Variants in RERE observed in about 807,000 individuals in gnomAD.
RERE encodes arginine-glutamic acid dipeptide repeats.
In RERE, 40 loss-of-function variants were observed where a neutral mutation model predicts 146.1. The ratio of observed to expected loss-of-function variants is 0.27; its 90% CI spans 0.21 to 0.36. The LOEUF is 0.36. RERE is among the 10% of genes least tolerant of loss of function. The pLI, the probability that RERE is intolerant of heterozygous loss-of-function variation, is 1.00. For synonymous variants in RERE, 1,003 were observed against 866.0 expected (o/e 1.16, Z -2.78); for missense variants, 1,933 against 2,138.7 (o/e 0.90, Z 1.90).
At chr1:8,358,106 C>A in intron 20 of RERE, 90 bp downstream of exon 20, 1 of 1,510,862 alleles carries the variant, frequency 6.6e-7, no homozygotes, top group South Asian at 1.3e-5. Flanking sequence ...CAGAAAAGAA[C>A]AGTTTCCGCT....
intron 12 of RERE, among the ~76,000 whole-genome samples, chr1:8,398,300 T>C (rs1321552958): frequency 1.3e-5 from 2 of 152,144 alleles, no homozygotes; most frequent in South Asian, 2.1e-4. Context: ...TGGACCACAG[T>C]ATAAAAGGTC....
At chr1:8,558,789 T>A (rs1301413236) in intron 4 of RERE, among the ~76,000 whole-genome samples, 1 of 150,798 alleles carries the variant, frequency 6.6e-6, no homozygotes, top group Admixed American at 6.6e-5. Context: ...TTTCTTTTTT[T>A]TTTCCTTTTC....
intron 1 of RERE, among the ~76,000 whole-genome samples, chr1:8,757,138 A>G (rs904904995): frequency 3.3e-5 from 5 of 151,482 alleles, no homozygotes; most frequent in Non-Finnish European, 7.4e-5. Context: ...TTCTGATGGC[A>G]CTCATAAAGA....
chr1:8,424,257 C>T (rs540443799), intron 11 of RERE: 1 of 152,378 alleles, frequency 6.6e-6, no homozygotes, highest in East Asian at 1.9e-4. Flanking sequence ...CCCCGGCCGC[C>T]GCTTCACAAC....
At chr1:8,402,987 C>T (rs1262014867) in intron 12 of RERE, among the ~76,000 whole-genome samples, 2 of 152,136 alleles carry the variant, frequency 1.3e-5, no homozygotes, top group Non-Finnish European at 2.9e-5. Flanking sequence ...CAACCTCTGC[C>T]TCCCGGGTTC....
chr1:8,617,190 A>G (rs1424169140), intron 3 of RERE, among the ~76,000 whole-genome samples: 2 of 151,934 alleles, frequency 1.3e-5, no homozygotes, highest in Non-Finnish European at 2.9e-5. Flanking sequence ...TAAGAATACA[A>G]AAACATAGCC....
In RERE at chr1:8,356,953, T is replaced by C. The variant is rs1641320105; in HGVS notation, c.4340-707A>G. ...GCCTCTGTGGCTGCTCTTGCCCCGA[T>C]TTCCCACAGCTTGCCCTTTCATCTC... On this transcript the variant is annotated intron_variant, in intron 20 of 22. Coordinates refer to ENST00000400908, the MANE Select transcript of RERE (RefSeq NM_001042681.2). This position sits in a 1 kb window ranked among gnomAD's most constrained non-coding sequence, Gnocchi z 5.2. 1.3e-5 allele frequency among the ~76,000 whole-genome samples: 2 copies of C among 152,148 alleles called. No homozygotes were observed. Among genetic ancestry groups the C allele is most frequent in the Admixed American group, 1.3e-4 (2 of 15,278 alleles).
At chr1:8,390,766 G>A (rs913201133) in intron 12 of RERE, among the ~76,000 whole-genome samples, 1 of 152,112 alleles carries the variant, frequency 6.6e-6, no homozygotes, top group African/African-American at 2.4e-5. Flanking sequence ...GGGAACTCCT[G>A]ATCTTCACTT....
intron 1 of RERE, among the ~76,000 whole-genome samples, chr1:8,689,496 C>A (rs189405298): frequency 1.3e-5 from 2 of 152,266 alleles, no homozygotes; most frequent in Admixed American, 6.5e-5. Context: ...CAGGTAATAT[C>A]ACATTTCTTA....
rs531160287 is a variant in RERE, at chr1:8,638,622, C to T, written c.326-14242G>A. On this transcript the variant is annotated intron_variant, in intron 2 of 22. Transcript: ENST00000400908. ...ACTGCGAATAGCTTAACTCCATATA[C>T]GTTCACTAAGAAAACTGACCATACA... Among the ~76,000 whole-genome samples, 13 of 152,214 alleles carry T rather than the reference C, an allele frequency of 8.5e-5. 1 individual carries two copies. The highest frequency in any genetic ancestry group is 1.4e-4 in the African/African-American group (6 of 41,542).
intron 4 of RERE, among the ~76,000 whole-genome samples, chr1:8,570,622 T>C (rs1338495402): frequency 6.6e-6 from 1 of 152,140 alleles, no homozygotes; most frequent in Non-Finnish European, 1.5e-5. Context: ...CACTGTACAC[T>C]CCTGAGAGAA....
At chr1:8,616,658 T>C (rs1025067194) in intron 3 of RERE, among the ~76,000 whole-genome samples, 1 of 152,192 alleles carries the variant, frequency 6.6e-6, no homozygotes, top group African/African-American at 2.4e-5. Context: ...TGGAAATATA[T>C]ATAATTAAAC....
chr1:8,775,008 T>G (rs971596855), intron 1 of RERE, among the ~76,000 whole-genome samples: 1 of 138,628 alleles, frequency 7.2e-6, no homozygotes. Flanking sequence ...GTCACCAGGC[T>G]GGAGTGCAGT....
At chr1:8,358,159 C>T (rs75051448) in intron 20 of RERE, 37 bp downstream of exon 20, 50,246 of 1,556,222 alleles carry the variant, frequency 0.032, 1,033 homozygotes, top group African/African-American at 0.086. Flanking sequence ...CACCCCTCCC[C>T]GTGCCTCTGT....
chr1:8,628,827 C>A (rs1314936037), intron 2 of RERE, among the ~76,000 whole-genome samples: 2 of 152,102 alleles, frequency 1.3e-5, no homozygotes, highest in Non-Finnish European at 2.9e-5. Context: ...GATTTTCATG[C>A]AATTTATGAG....
At chr1:8,387,572 T>C (rs555080728) in intron 12 of RERE, among the ~76,000 whole-genome samples, 6 of 152,306 alleles carry the variant, frequency 3.9e-5, no homozygotes, top group African/African-American at 1.4e-4. Context: ...TTATTTAAGA[T>C]GAGTATCTAG....
chr1:8,714,407 G>A (rs1477467982), intron 1 of RERE, among the ~76,000 whole-genome samples: 1 of 152,182 alleles, frequency 6.6e-6, no homozygotes, highest in African/African-American at 2.4e-5. Context: ...AGACAATAGA[G>A]TAACGCCTTC....
intron 7 of RERE, among the ~76,000 whole-genome samples, chr1:8,510,964 G>C (rs7523031): frequency 6.6e-6 from 1 of 151,806 alleles, no homozygotes; most frequent in Non-Finnish European, 1.5e-5. Flanking sequence ...TATGTTGCCC[G>C]GTCTGTTCTC....
intron 2 of RERE, among the ~76,000 whole-genome samples, chr1:8,635,650 T>C (rs1400374359): frequency 1.3e-5 from 2 of 152,014 alleles, no homozygotes; most frequent in Non-Finnish European, 2.9e-5. Context: ...TATGAGAACT[T>C]TGGGAGGAAA....
Sources: allele counts gnomAD v4.1 joint callset (sites outside exome capture counted in the v4.1 genomes callset), GRCh38; gene constraint gnomAD v4.1.1; non-coding constraint Gnocchi (gnomAD v3.1); transcripts MANE v1.5; gene names NCBI Gene and HGNC (gene_info 2026-07-23, HGNC 2026-07-21).